LRRK2: variants seen among roughly 807,000 people sequenced by gnomAD.
LRRK2 encodes leucine-rich repeat serine/threonine-protein kinase 2.
LRRK2 carries 203 observed loss-of-function variants against 302.6 expected under a neutral mutation model. The observed-to-expected ratio is 0.67, with a 90% CI of 0.60 to 0.75. LRRK2 has a LOEUF of 0.75. Among genes scored for constraint, LRRK2 ranks in the 30% least tolerant of loss-of-function variants. The pLI, the probability that LRRK2 is intolerant of heterozygous loss-of-function variation, is 0.00. For synonymous variants in LRRK2, 1,066 were observed against 1,031.9 expected, an observed-to-expected ratio of 1.03 and a Z score of -0.63; for missense variants, 2,830 against 2,951.0, an observed-to-expected ratio of 0.96 and a Z score of 0.95.
Position 40,279,184 on chromosome 12 carries a change from A to C in LRRK2, c.2241+923A>C, listed in dbSNP as rs1238321225. Reference sequence around the variant, plus strand: ...TGTAGTGATTTAATACACATTATTAAATAATCAATAAAGTACTATGTTTGC... The same window carrying C: ...TGTAGTGATTTAATACACATTATTACATAATCAATAAAGTACTATGTTTGC... On this transcript the variant is annotated intron_variant, in intron 18 of 50. Transcript: ENST00000298910. Among the ~76,000 whole-genome samples, 3 of 81,514 alleles carry C rather than the reference A, an allele frequency of 3.7e-5. No homozygotes were observed. In the East Asian group the frequency reaches 9.5e-4, roughly 26 times the overall value. The allele number at this position is 81,514 out of a possible 152,430, so 53.5% of individuals were successfully genotyped here. A position where few individuals can be genotyped will look rare whatever the true frequency, so the allele number is the denominator to read the frequency against.
At chr12:40,360,233 G>A (rs928891942) in intron 47 of LRRK2, among the ~76,000 whole-genome samples, 26 of 151,890 alleles carry the variant, frequency 1.7e-4, no homozygotes, top group African/African-American at 6.3e-4. Context: ...GTTAATATAT[G>A]GATCTTAATT....
intron 14 of LRRK2, among the ~76,000 whole-genome samples, chr12:40,266,720 C>T (rs1249080973): frequency 6.6e-6 from 1 of 152,028 alleles, no homozygotes; most frequent in African/African-American, 2.4e-5. Flanking sequence ...TATTGTGGCA[C>T]TATTCACAAT....
At chr12:40,308,821 C>T (rs1438842991) in intron 29 of LRRK2, 125 bp downstream of exon 29, 7 of 973,314 alleles carry the variant, frequency 7.2e-6, no homozygotes, top group East Asian at 2.6e-5. Flanking sequence ...TTCCAAAGCC[C>T]TTCATTTCTC....
Position 40,249,700 on chromosome 12 carries a change from G to A in LRRK2, c.839-126G>A. 1.1e-5 allele frequency: 12 copies of A among 1,081,808 alleles called. No individual in the cohort carries two copies. The South Asian group carries it at 1.5e-4, about 14-fold the overall frequency. 67.0% of individuals were successfully genotyped at this position (1,081,808 alleles called of 1,614,324 possible). A position where few individuals can be genotyped will look rare whatever the true frequency, so the allele number is the denominator to read the frequency against. Reference sequence around the variant, plus strand: ...ATCATATTAAGCTATTTTAATTAAAGTAAATGTTTTAATGCCATTGAATAT... The same window carrying A: ...ATCATATTAAGCTATTTTAATTAAAATAAATGTTTTAATGCCATTGAATAT... On this transcript the variant is annotated intron_variant, in intron 7 of 50. Transcript: ENST00000298910.
intron 31 of LRRK2, among the ~76,000 whole-genome samples, chr12:40,311,828 T>C (rs1945046028): frequency 6.6e-6 from 1 of 152,198 alleles, no homozygotes; most frequent in Non-Finnish European, 1.5e-5. Flanking sequence ...TAGATGGTAA[T>C]GTCATGTAAA....
At chr12:40,320,468 T>C (rs1945369181) in intron 34 of LRRK2, among the ~76,000 whole-genome samples, 2 of 152,108 alleles carry the variant, frequency 1.3e-5, no homozygotes, top group South Asian at 2.1e-4. Context: ...TGTGTCTGTG[T>C]TTGTGTATGT....
chr12:40,331,780 A>AAT (rs1210340846), intron 39 of LRRK2, among the ~76,000 whole-genome samples: 5 of 152,120 alleles, frequency 3.3e-5, no homozygotes, highest in Admixed American at 3.3e-4. Context: ...TTATCAGATA[A>AAT]ATTATGTTCA....
chr12:40,359,193 A>AT lies in LRRK2; in HGVS notation c.6844-63dup, dbSNP rs972875234. 2.2e-6 allele frequency: 3 copies of AT among 1,388,568 alleles called. No individual in the cohort carries two copies. In the African/African-American group the frequency reaches 4.4e-5, roughly 20 times the overall value. 86.0% of individuals were successfully genotyped at this position (1,388,568 alleles called of 1,614,324 possible). ...GGAAAGTAGTTTTTTGAAAGCACAG[A>AT]TTTTATGGAGTTTTGTTCTGTGGAT... On this transcript the variant is annotated intron_variant, in intron 46 of 50. Coordinates refer to ENST00000298910, the MANE Select transcript of LRRK2 (RefSeq NM_198578.4).
chr12:40,293,793 G>T, intron 21 of LRRK2, 130 bp downstream of exon 21: 2 of 630,200 alleles, frequency 3.2e-6, no homozygotes, highest in Non-Finnish European at 5.7e-6. Context: ...ATAATTTTGA[G>T]ATTTTTATAT....
rs1416061236 is a variant in LRRK2, at chr12:40,235,666, A to G, written c.388A>G (p.Asn130Asp). 6.2e-7 allele frequency: 1 copy of G among 1,610,248 alleles called. No individual in the cohort carries two copies. The highest frequency in any genetic ancestry group is 8.5e-7 in the Non-Finnish European group (1 of 1,176,682). The change falls in exon 4 of 51, where the codon AAC becomes GAC. Residue 130 changes from asparagine (N) to aspartate (D), a missense_variant. By Grantham distance (23) the Asn-to-Asp change is conservative. Transcript: ENST00000298910. ...KMLTVHNASV[N>D]LSVIGLKTLD... ...GCTAACAGTTCATAATGCCAGTGTA[A>G]ACTTGTCAGTGATTGGACTGAAGAC... is the stretch of plus-strand genomic sequence containing the variant.
At chr12:40,357,813 C>A (rs1271739270) in intron 46 of LRRK2, among the ~76,000 whole-genome samples, 1 of 152,142 alleles carries the variant, frequency 6.6e-6, no homozygotes, top group Non-Finnish European at 1.5e-5. Flanking sequence ...TGCTTTCTTA[C>A]CCAGGCTGGC....
chr12:40,250,753 G>A (rs117502843), intron 8 of LRRK2, among the ~76,000 whole-genome samples: 2,695 of 152,258 alleles, frequency 0.018, 56 homozygotes, highest in South Asian at 0.11. Flanking sequence ...GTGAGAACAC[G>A]CAGTGTGTGG....
At chr12:40,243,095 A>G (rs1941812671) in intron 6 of LRRK2, among the ~76,000 whole-genome samples, 1 of 151,914 alleles carries the variant, frequency 6.6e-6, no homozygotes, top group African/African-American at 2.4e-5. Context: ...AGCAGAATCT[A>G]TGTCAATCAC....
At chr12:40,249,317 CCT>C (rs1491348583) in intron 7 of LRRK2, among the ~76,000 whole-genome samples, 2 of 149,318 alleles carry the variant, frequency 1.3e-5, no homozygotes, top group Non-Finnish European at 3.0e-5. Context: ...TGGTGAAATA[CCT>C]TTTTTTTTTT....
intron 33 of LRRK2, among the ~76,000 whole-genome samples, chr12:40,318,142 T>G (rs1362705309): frequency 1.3e-5 from 2 of 152,052 alleles, no homozygotes; most frequent in Admixed American, 1.3e-4. Context: ...TTCTGTCCTC[T>G]TAAAGGCTAG....
At chr12:40,325,884 A>G (rs1452616004) in intron 38 of LRRK2, among the ~76,000 whole-genome samples, 2 of 152,208 alleles carry the variant, frequency 1.3e-5, no homozygotes, top group Non-Finnish European at 2.9e-5. Context: ...TTTAAAATAT[A>G]AATGTATGGG....
At chr12:40,355,492 C>T (rs1390837894) in intron 45 of LRRK2, among the ~76,000 whole-genome samples, 3 of 143,840 alleles carry the variant, frequency 2.1e-5, no homozygotes, top group Non-Finnish European at 4.5e-5. Context: ...TGGGGAATTC[C>T]TTCCTTCCTT....
intron 38 of LRRK2, among the ~76,000 whole-genome samples, chr12:40,323,541 C>T (rs1232860286): frequency 6.6e-6 from 1 of 151,982 alleles, no homozygotes; most frequent in Non-Finnish European, 1.5e-5. Context: ...ATCATGGAAG[C>T]AGAAATATTT....
intron 25 of LRRK2, 128 bp from the exon 26 acceptor site, chr12:40,302,661 T>A (rs1944673723): frequency 1.4e-6 from 1 of 722,104 alleles, no homozygotes; most frequent in Admixed American, 2.3e-5. Flanking sequence ...AGTGGATTTT[T>A]AAAAATTGTC....
Sources: gnomAD v4.1 joint callset for allele counts (sites outside exome capture counted in the v4.1 genomes callset) on GRCh38, gnomAD v4.1.1 for gene constraint, MANE v1.5 for transcripts, NCBI Gene and HGNC (gene_info 2026-07-23, HGNC 2026-07-21) for gene names.